The following EXT1 variants were observed in gnomAD, a reference collection of about 807,000 sequenced individuals.
EXT1 encodes exostosin-1.
In EXT1, 20 loss-of-function variants were observed where a neutral mutation model predicts 82.5. The observed-to-expected ratio is 0.24, with a 90% CI of 0.17 to 0.35. The LOEUF (loss-of-function observed/expected upper bound fraction) is 0.35. Ranked by LOEUF, EXT1 falls within the 10% of genes least tolerant of loss-of-function variation. The pLI is 1.00. For missense variants in EXT1, 757 were observed against 936.5 expected (o/e 0.81, Z 2.50); for synonymous variants, 348 against 350.8 (o/e 0.99, Z 0.09).
intron 1 of EXT1, among the ~76,000 whole-genome samples, chr8:117,997,338 C>T (rs1168042413): frequency 6.8e-6 from 1 of 146,184 alleles, no homozygotes; most frequent in Non-Finnish European, 1.5e-5. Context: ...ATCGTCATAA[C>T]ACACCAAAAA....
chr8:118,010,977 A>T (rs1245494592), intron 1 of EXT1, among the ~76,000 whole-genome samples: 1 of 152,216 alleles, frequency 6.6e-6, no homozygotes, highest in Admixed American at 6.5e-5. Flanking sequence ...AGAGGACAAC[A>T]GGAGCTTGCA....
intron 1 of EXT1, among the ~76,000 whole-genome samples, chr8:117,977,254 G>A (rs1043364238): frequency 1.2e-4 from 19 of 152,010 alleles, no homozygotes; most frequent in Admixed American, 1.2e-3. Context: ...GAGCGTGGTG[G>A]CGGATGCCTG....
intron 1 of EXT1, among the ~76,000 whole-genome samples, chr8:118,021,592 C>G (rs1304152395): frequency 6.6e-6 from 1 of 152,168 alleles, no homozygotes; most frequent in Non-Finnish European, 1.5e-5. Flanking sequence ...CAGTTCCCAC[C>G]AGACTTTATG....
intron 1 of EXT1, among the ~76,000 whole-genome samples, chr8:117,930,057 A>T (rs565372641): frequency 1.3e-5 from 2 of 152,130 alleles, no homozygotes; most frequent in Non-Finnish European, 2.9e-5. Context: ...GCAAGCCAAG[A>T]TCGCACATTG....
intron 1 of EXT1, among the ~76,000 whole-genome samples, chr8:117,946,968 C>T (rs188235071): frequency 1.4e-4 from 21 of 152,068 alleles, no homozygotes; most frequent in African/African-American, 4.8e-4. Context: ...ATTTATGGGG[C>T]GGATTTTTGA....
intron 1 of EXT1, among the ~76,000 whole-genome samples, chr8:118,052,067 C>T (rs370450521): frequency 3.3e-4 from 50 of 152,292 alleles, no homozygotes; most frequent in East Asian, 2.9e-3. Flanking sequence ...TCTTCATGCC[C>T]TTTTACGTTA....
intron 1 of EXT1, among the ~76,000 whole-genome samples, chr8:117,850,422 C>T (rs17503655): frequency 3.3e-4 from 50 of 152,276 alleles, no homozygotes; most frequent in African/African-American, 1.1e-3. Context: ...AACCCAGCAA[C>T]GGCCAGTCGA....
intron 1 of EXT1, among the ~76,000 whole-genome samples, chr8:117,965,117 G>A (rs190979466): frequency 4.2e-4 from 63 of 150,854 alleles, no homozygotes; most frequent in Admixed American, 1.5e-3. Flanking sequence ...CTTGAGATAC[G>A]TAGTGTCTTG....
chr8:117,804,581 C>T (rs1823210389), intron 10 of EXT1, 141 bp downstream of exon 10: 1 of 922,110 alleles, frequency 1.1e-6, no homozygotes, highest in South Asian at 1.4e-5. Context: ...ACACTCTTTT[C>T]TAGCTTTCAG....
rs1286424018 is a variant in EXT1 at position 117,796,866 on chromosome 8, A to C, written c.*2846T>G. 1.3e-5 allele frequency: 2 copies of C among 152,230 alleles called. No homozygotes were observed. Among genetic ancestry groups the C allele is most frequent in the East Asian group, 3.8e-4 (2 of 5,200 alleles). The allele number at this position is 152,230 out of a possible 1,614,324, so 9.4% of individuals were successfully genotyped here. A position where few individuals can be genotyped will look rare whatever the true frequency, so the allele number is the denominator to read the frequency against. ...TATTTATAACACTTTCATATAAATAAATACACAGCCAGCTTTTAAAAAATT... is the reference window on the plus strand; with the variant it reads ...TATTTATAACACTTTCATATAAATACATACACAGCCAGCTTTTAAAAAATT... On this transcript the variant is annotated 3_prime_UTR_variant, in exon 11 of 11. Transcript: ENST00000378204.
intron 1 of EXT1, among the ~76,000 whole-genome samples, chr8:118,094,052 T>C (rs962296848): frequency 3.3e-5 from 5 of 152,204 alleles, no homozygotes; most frequent in African/African-American, 1.2e-4. Context: ...GAAAAATAGT[T>C]TTCCCTTCTC....
chr8:118,025,350 G>A (rs1180679375), intron 1 of EXT1, among the ~76,000 whole-genome samples: 1 of 152,162 alleles, frequency 6.6e-6, no homozygotes, highest in Non-Finnish European at 1.5e-5. Flanking sequence ...GACCTGGAGA[G>A]CCAACATTCC....
chr8:117,977,117 T>C (rs1231052310), intron 1 of EXT1, among the ~76,000 whole-genome samples: 8 of 152,178 alleles, frequency 5.3e-5, no homozygotes, highest in South Asian at 2.1e-4. Context: ...CCGGGCATGA[T>C]AGCTTGCACC....
At chr8:117,836,921 A>G (rs1392576276) in intron 2 of EXT1, among the ~76,000 whole-genome samples, 187 bp downstream of exon 2, 1 of 152,204 alleles carries the variant, frequency 6.6e-6, no homozygotes, top group East Asian at 1.9e-4. Flanking sequence ...ATCTAAAATT[A>G]CTGAGTAAAT....
At chr8:117,918,373 A>T (rs1263449042) in intron 1 of EXT1, among the ~76,000 whole-genome samples, 1 of 152,236 alleles carries the variant, frequency 6.6e-6, no homozygotes, top group East Asian at 1.9e-4. Flanking sequence ...AATAAGGCTC[A>T]ATGTAGACAG....
intron 1 of EXT1, among the ~76,000 whole-genome samples, chr8:117,923,068 T>C (rs1813886864): frequency 6.6e-6 from 1 of 152,116 alleles, no homozygotes; most frequent in Non-Finnish European, 1.5e-5. Flanking sequence ...CTTGTGCCTG[T>C]AATCCCAGCA....
chr8:118,018,525 G>A (rs1816044130), intron 1 of EXT1, among the ~76,000 whole-genome samples: 1 of 152,118 alleles, frequency 6.6e-6, no homozygotes, highest in Admixed American at 6.6e-5. Flanking sequence ...AGAACTGTGA[G>A]GTTTGGGTTA....
At chr8:117,926,389 C>A (rs1405246847) in intron 1 of EXT1, among the ~76,000 whole-genome samples, 10 of 152,160 alleles carry the variant, frequency 6.6e-5, no homozygotes, top group Admixed American at 5.2e-4. Context: ...CCAGGTAAAA[C>A]CCCAGAGAGG....
intron 1 of EXT1, among the ~76,000 whole-genome samples, chr8:117,977,703 C>G (rs969590200): frequency 6.6e-6 from 1 of 152,122 alleles, no homozygotes; most frequent in South Asian, 2.1e-4. Context: ...GTGGGGTCCT[C>G]CTAATCATTG....
Sources: gnomAD v4.1 joint callset for allele counts (sites outside exome capture counted in the v4.1 genomes callset) on GRCh38, gnomAD v4.1.1 for gene constraint, MANE v1.5 for transcripts, NCBI Gene and HGNC (gene_info 2026-07-23, HGNC 2026-07-21) for gene names.